TXNDC9: variants seen among roughly 807,000 people sequenced by gnomAD.
TXNDC9 encodes thioredoxin domain-containing protein 9.
A neutral mutation model predicts 23.0 loss-of-function variants in TXNDC9; 7 were observed. That is an observed-to-expected ratio of 0.30 (90% CI 0.17 to 0.57). The LOEUF (loss-of-function observed/expected upper bound fraction) is 0.57. TXNDC9 is among the 20% of genes least tolerant of loss of function. The probability of loss-of-function intolerance (pLI) is 0.90; values close to 1 mark genes in which losing one functional copy is unlikely to be tolerated. For synonymous variants in TXNDC9, 72 were observed against 90.6 expected (o/e 0.79, Z 1.17); for missense variants, 198 against 252.6 (o/e 0.78, Z 1.47).
At chr2:99,333,554 G>A (rs940454914) in intron 1 of TXNDC9, among the ~76,000 whole-genome samples, 3 of 152,152 alleles carry the variant, frequency 2.0e-5, no homozygotes, top group Non-Finnish European at 4.4e-5. Context: ...AATGAGTTGT[G>A]AAGTTATACC....
the TXNDC9 span, among the ~76,000 whole-genome samples, chr2:99,313,536 G>T: frequency 0.013 from 1,964 of 152,260 alleles, 44 homozygotes; most frequent in African/African-American, 0.045. Context: ...TACTCAGGAA[G>T]CTGAGGTGGG....
chr2:99,319,580 T>G lies in TXNDC9; in HGVS notation c.*102A>C. On this transcript the variant is annotated 3_prime_UTR_variant, in exon 5 of 5. Coordinates refer to ENST00000264255, the MANE Select transcript of TXNDC9 (RefSeq NM_005783.4). ...TACAACTGTATAAAACTCGAGAATA[T>G]GAGTATTTAGGTGACCAATGTATAG... The G allele has an allele frequency of 7.0e-5, 57 of 818,418 alleles. No homozygotes were observed. The highest frequency in any genetic ancestry group is 2.7e-4 in the Middle Eastern group (1 of 3,668). The allele number at this position is 818,418 out of a possible 1,614,324, so 50.7% of individuals were successfully genotyped here. A position where few individuals can be genotyped will look rare whatever the true frequency, so the allele number is the denominator to read the frequency against.
Position 99,322,255 on chromosome 2 carries a change from C to G in TXNDC9, c.309-46G>C. ...AAAATTATAAGCTAAAACCACAGAT[C>G]GCTTTTTTCAAAATAAATATCATCA... On this transcript the variant is annotated intron_variant, in intron 3 of 4. Transcript: ENST00000264255. 1.3e-6 allele frequency: 2 copies of G among 1,564,660 alleles called. 1 individual carries two copies. Among genetic ancestry groups the G allele is most frequent in the South Asian group, 2.4e-5 (2 of 83,786 alleles).
At chr2:99,306,698 C>T in the TXNDC9 span, 4 of 413,190 alleles carry the variant, frequency 9.7e-6, no homozygotes, top group African/African-American at 8.3e-5. Flanking sequence ...ATCATCTCTC[C>T]CCACATTGCT....
At chr2:99,313,026 G>A in the TXNDC9 span, among the ~76,000 whole-genome samples, 2 of 151,940 alleles carry the variant, frequency 1.3e-5, no homozygotes, top group African/African-American at 4.8e-5. Flanking sequence ...GCCGGGTGTG[G>A]TGACGCATGC....
chr2:99,325,695 A>G (rs2094211471), intron 3 of TXNDC9, among the ~76,000 whole-genome samples: 2 of 152,152 alleles, frequency 1.3e-5, no homozygotes, highest in African/African-American at 4.8e-5. Context: ...AAAACGAACA[A>G]TCTAGTTGGG....
chr2:99,336,118 G>T, intron 1 of TXNDC9, 121 bp downstream of exon 1: 1 of 871,890 alleles, frequency 1.1e-6, no homozygotes. Context: ...AAGAGCCTCT[G>T]CCAGGACACC....
chr2:99,328,973 T>A (rs2094219079), intron 2 of TXNDC9, among the ~76,000 whole-genome samples: 1 of 152,094 alleles, frequency 6.6e-6, no homozygotes, highest in Non-Finnish European at 1.5e-5. Context: ...AGAGTGAGAC[T>A]CTGTCTCAAA....
downstream of TXNDC9, among the ~76,000 whole-genome samples, chr2:99,315,293 C>CT (rs909704402): frequency 1.2e-4 from 18 of 152,004 alleles, no homozygotes; most frequent in African/African-American, 4.4e-4. Flanking sequence ...TCTCGATCTC[C>CT]TGACCTCGTG....
Position 99,333,245 on chromosome 2 carries a change from G to T in TXNDC9, c.-32-3C>A. 6.4e-7 allele frequency: 1 copy of T among 1,572,134 alleles called. No homozygotes were observed. Among genetic ancestry groups the T allele is most frequent in the Non-Finnish European group, 8.6e-7 (1 of 1,161,356 alleles). On this transcript the variant is annotated splice_polypyrimidine_tract_variant and splice_region_variant and intron_variant, in intron 1 of 4. Coordinates refer to ENST00000264255, the MANE Select transcript of TXNDC9 (RefSeq NM_005783.4). ...TGGTACAGAGTTCAGCCTGGGTGCT[G>T]GGGAGAAGATTTACAAAATACATTT...
chr2:99,315,516 G>T (rs1026775381), downstream of TXNDC9, among the ~76,000 whole-genome samples: 37 of 152,146 alleles, frequency 2.4e-4, no homozygotes, highest in Admixed American at 2.4e-3. Flanking sequence ...ATCAATTGCA[G>T]CAAGTGTTTT....
the TXNDC9 span, among the ~76,000 whole-genome samples, chr2:99,309,396 AAAAATT>A: frequency 6.6e-6 from 1 of 152,152 alleles, no homozygotes; most frequent in Non-Finnish European, 1.5e-5. Context: ...AAACAATTTT[AAAAATT>A]AAAGAGTAAT....
chr2:99,315,463 C>G (rs757902117), downstream of TXNDC9, among the ~76,000 whole-genome samples: 15 of 152,108 alleles, frequency 9.9e-5, no homozygotes, highest in Non-Finnish European at 2.1e-4. Flanking sequence ...ATATGATTTG[C>G]AAATATTTTT....
chr2:99,332,989 T>C (rs142966565), intron 2 of TXNDC9, 33 bp downstream of exon 2: 17 of 1,553,680 alleles, frequency 1.1e-5, no homozygotes, highest in South Asian at 6.7e-5. Flanking sequence ...CATACTGTTA[T>C]AGCAATTTCA....
At chr2:99,310,959 G>A in the TXNDC9 span, among the ~76,000 whole-genome samples, 1 of 152,030 alleles carries the variant, frequency 6.6e-6, no homozygotes, top group Admixed American at 6.6e-5. Context: ...AGTCCCAGCT[G>A]TTTCCAGTCT....
intron 2 of TXNDC9, among the ~76,000 whole-genome samples, chr2:99,330,318 A>AAAAAAAAAAAC (rs1238678566): frequency 6.9e-6 from 1 of 145,446 alleles, no homozygotes; most frequent in Non-Finnish European, 1.5e-5. Context: ...AAAAAAAAAA[A>AAAAAAAAAAAC]AGCTGCTATT....
At chr2:99,313,171 A>G in the TXNDC9 span, among the ~76,000 whole-genome samples, 53 of 152,048 alleles carry the variant, frequency 3.5e-4, no homozygotes, top group South Asian at 2.1e-3. Flanking sequence ...TCAAAAAAAC[A>G]AACAAAAACA....
chr2:99,310,735 G>A, the TXNDC9 span, among the ~76,000 whole-genome samples: 1 of 152,142 alleles, frequency 6.6e-6, no homozygotes, highest in Non-Finnish European at 1.5e-5. Flanking sequence ...AAGATAGAGG[G>A]AAGGGGCCAG....
chr2:99,334,314 AC>A (rs1390995729), intron 1 of TXNDC9, among the ~76,000 whole-genome samples: 10 of 152,192 alleles, frequency 6.6e-5, no homozygotes, highest in Non-Finnish European at 1.3e-4. Flanking sequence ...AGAACGCACC[AC>A]TTGCACCCCA....
Sources: gnomAD v4.1 joint callset for allele counts (sites outside exome capture counted in the v4.1 genomes callset) on GRCh38, gnomAD v4.1.1 for gene constraint, MANE v1.5 for transcripts, NCBI Gene and HGNC (gene_info 2026-07-23, HGNC 2026-07-21) for gene names.